Variants in CLSTN1 observed in about 807,000 individuals in gnomAD.
CLSTN1 encodes calsyntenin-1.
In CLSTN1, 28 loss-of-function variants were observed where a neutral mutation model predicts 108.3. The observed-to-expected ratio is 0.26, with a 90% CI of 0.19 to 0.35. CLSTN1 has a LOEUF of 0.35. Among genes scored for constraint, CLSTN1 ranks in the 10% least tolerant of loss-of-function variants. The probability of loss-of-function intolerance (pLI) is 1.00; values close to 1 mark genes in which losing one functional copy is unlikely to be tolerated. For missense variants in CLSTN1, 1,157 were observed against 1,302.6 expected, an observed-to-expected ratio of 0.89 and a Z score of 1.72; for synonymous variants, 524 against 534.9, an observed-to-expected ratio of 0.98 and a Z score of 0.28.
chr1:9,773,973 C>T (rs1442557983), intron 1 of CLSTN1, among the ~76,000 whole-genome samples: 1 of 151,902 alleles, frequency 6.6e-6, no homozygotes, highest in African/African-American at 2.4e-5. Context: ...AACCCCCGGG[C>T]TCAAGTGATC....
In CLSTN1 at chr1:9,735,084, A is replaced by T; in HGVS notation, c.1974T>A (p.Ser658Arg). Reference protein sequence around the residue: ...LQPEEPKISLSGVHHFARAAS... With the variant: ...LQPEEPKISLRGVHHFARAAS... ...CTGCTCGGGCAAAATGGTGGACGCCACTCAGGCTGATCTTGGGCTCCTCGG... is the reference window on the plus strand; with the variant it reads ...CTGCTCGGGCAAAATGGTGGACGCCTCTCAGGCTGATCTTGGGCTCCTCGG... The change falls in exon 14 of 19, where the codon AGT (serine) becomes AGA (arginine). Residue 658 changes from serine (S) to arginine (R), a missense_variant. By Grantham distance (110) the Ser-to-Arg change is moderately radical. Coordinates refer to ENST00000377298, the MANE Select transcript of CLSTN1 (RefSeq NM_001009566.3). 6.2e-7 allele frequency: 1 copy of T among 1,614,210 alleles called. No individual in the cohort carries two copies. The highest frequency in any genetic ancestry group is 8.5e-7 in the Non-Finnish European group (1 of 1,180,034).
At chr1:9,797,525 C>T (rs1360753388) in intron 1 of CLSTN1, among the ~76,000 whole-genome samples, 3 of 151,836 alleles carry the variant, frequency 2.0e-5, no homozygotes, top group Non-Finnish European at 4.4e-5. Context: ...TCTGTAGTCT[C>T]ATCTACTTGG....
intron 2 of CLSTN1, among the ~76,000 whole-genome samples, chr1:9,768,419 C>G (rs1030551971): frequency 3.0e-4 from 5 of 16,848 alleles, no homozygotes; most frequent in Admixed American, 9.5e-4. Flanking sequence ...CACCGGGGGG[C>G]GGGGTTCTGT....
At chr1:9,761,026 C>T (rs755152700) in intron 2 of CLSTN1, among the ~76,000 whole-genome samples, 11 of 151,914 alleles carry the variant, frequency 7.2e-5, no homozygotes, top group Non-Finnish European at 1.0e-4. Context: ...GGCTCTGTTA[C>T]GCAAATCTAC....
At chr1:9,793,574 C>T (rs1043746008) in intron 1 of CLSTN1, among the ~76,000 whole-genome samples, 1 of 151,514 alleles carries the variant, frequency 6.6e-6, no homozygotes, top group African/African-American at 2.4e-5. Context: ...TGAATGGAGG[C>T]CATTCGAAAG....
chr1:9,809,763 C>G (rs970587985), intron 1 of CLSTN1, among the ~76,000 whole-genome samples: 2 of 151,188 alleles, frequency 1.3e-5, no homozygotes, highest in African/African-American at 4.9e-5. Context: ...CAGCCGGGCG[C>G]GGTGGTGGGT....
At chr1:9,736,240 G>A (rs576039684) in intron 11 of CLSTN1, among the ~76,000 whole-genome samples, 198 bp from the exon 12 acceptor site, 25 of 152,330 alleles carry the variant, frequency 1.6e-4, no homozygotes, top group African/African-American at 5.8e-4. Context: ...CATGCACATG[G>A]CCTGGAGAAA....
intron 1 of CLSTN1, among the ~76,000 whole-genome samples, chr1:9,776,521 AT>A (rs1459721726): frequency 6.6e-6 from 1 of 151,676 alleles, no homozygotes; most frequent in Non-Finnish European, 1.5e-5. Context: ...TGTAGTTTAC[AT>A]TTAAAAAAAA....
chr1:9,731,408 G>C lies in CLSTN1; in HGVS notation c.2564-18C>G. The C allele has an allele frequency of 6.2e-7, 1 of 1,611,660 alleles. No homozygotes were observed. The highest frequency in any genetic ancestry group is 2.2e-5 in the East Asian group (1 of 44,812). On this transcript the variant is annotated intron_variant, in intron 17 of 18. Transcript: ENST00000377298. ...GGGGACGACTGTGGGAGAATGAGGG[G>C]GCGGGATGCGAGGTCACTCGGCCCA...
In CLSTN1 at chr1:9,749,617, C is replaced by T. The variant is rs372203726; in HGVS notation, c.829G>A (p.Gly277Ser). The T allele has an allele frequency of 6.2e-6, 10 of 1,614,018 alleles. No individual in the cohort carries two copies. Among genetic ancestry groups the T allele is most frequent in the Non-Finnish European group, 8.5e-6 (10 of 1,179,994 alleles). Residue 277 changes from glycine (G) to serine (S), a missense_variant, in exon 7 of 19, where the codon GGC becomes AGC. Transcript: ENST00000377298. ...GGAAAGACGGCCAACGCGCCGGTGC[C>T]CGGCTCATACTCAATCCTGTTGTTC... is the stretch of plus-strand genomic sequence containing the variant. ...GWNNRIEYEPGTGALAVFPNI... is the reference protein window; with the variant it reads ...GWNNRIEYEPSTGALAVFPNI...
chr1:9,732,194 T>C (rs1227585543), intron 16 of CLSTN1, among the ~76,000 whole-genome samples: 1 of 152,166 alleles, frequency 6.6e-6, no homozygotes, highest in Non-Finnish European at 1.5e-5. Flanking sequence ...TTTCTACTTA[T>C]TAGTATTTGT....
At chr1:9,751,820 T>C (rs1375241787) in intron 4 of CLSTN1, 139 bp from the exon 5 acceptor site, 2 of 683,326 alleles carry the variant, frequency 2.9e-6, no homozygotes, top group Non-Finnish European at 4.9e-6. Context: ...ATGAAATTCA[T>C]ATGATGAAGT....
At chr1:9,753,369 C>A (rs1031814445) in intron 4 of CLSTN1, among the ~76,000 whole-genome samples, 1 of 152,088 alleles carries the variant, frequency 6.6e-6, no homozygotes, top group African/African-American at 2.4e-5. Context: ...TATGGCGACC[C>A]CTGTTCTATG....
chr1:9,765,565 G>C (rs1652286666), intron 2 of CLSTN1, among the ~76,000 whole-genome samples: 1 of 150,322 alleles, frequency 6.7e-6, no homozygotes, highest in Non-Finnish European at 1.5e-5. Flanking sequence ...GGGAAACGGA[G>C]ACTCCATCTC....
intron 1 of CLSTN1, among the ~76,000 whole-genome samples, chr1:9,781,954 CATT>C (rs1445356795): frequency 6.6e-5 from 10 of 152,090 alleles, no homozygotes; most frequent in African/African-American, 2.4e-4. Context: ...ATTGTTTATG[CATT>C]ATAACTGTGG....
In CLSTN1 at chr1:9,748,788, CCT is replaced by C. The variant is rs567458685; in HGVS notation, c.985+671_985+672del. ...ATAGGCATGAGCCCCCATGCCCTGG[CCT>C]TTGTCTTCAATTCGTAAGTAAACAT... On this transcript the variant is annotated intron_variant, in intron 7 of 18. Coordinates refer to ENST00000377298, the MANE Select transcript of CLSTN1 (RefSeq NM_001009566.3). Among the ~76,000 whole-genome samples, 47 of 152,152 alleles carry C rather than the reference CCT, an allele frequency of 3.1e-4. 1 individual carries two copies. The highest frequency in any genetic ancestry group is 2.9e-3 in the Admixed American group (44 of 15,272).
At position 9,735,494 on chromosome 1, in the gene CLSTN1, C is replaced by T. The variant is rs913887224; in HGVS notation, c.1856G>A (p.Arg619His). The part of the protein sequence containing the change: ...NSRQFPTPGI[R>H]RLKITSTIKC... ...GATTGTGCTGGTGATTTTGAGTCTG[C>T]GAATTCCGGGCGTGGGGAACTGCCG... Residue 619 changes from arginine to histidine, a missense_variant, in exon 13 of 19, where the codon CGC (arginine) becomes CAC (histidine). By Grantham distance (29) the Arg-to-His change is conservative. Transcript: ENST00000377298. 6 of 1,614,002 alleles carry T rather than the reference C, an allele frequency of 3.7e-6. No homozygotes were observed. Among genetic ancestry groups the T allele is most frequent in the African/African-American group, 2.7e-5 (2 of 74,896 alleles).
intron 1 of CLSTN1, among the ~76,000 whole-genome samples, chr1:9,784,650 T>C (rs1653399658): frequency 6.6e-6 from 1 of 152,366 alleles, no homozygotes; most frequent in South Asian, 2.1e-4. Flanking sequence ...TCCTAGATGA[T>C]GTTACAGGTT....
At chr1:9,732,661 G>A (rs1295552677) in intron 16 of CLSTN1, among the ~76,000 whole-genome samples, 8 of 152,258 alleles carry the variant, frequency 5.3e-5, no homozygotes, top group East Asian at 3.8e-4. Context: ...GAGCCTGAGC[G>A]ATGAAGCAGC....
Sources: gnomAD v4.1 joint callset for allele counts (sites outside exome capture counted in the v4.1 genomes callset) on GRCh38, gnomAD v4.1.1 for gene constraint, MANE v1.5 for transcripts, NCBI Gene and HGNC (gene_info 2026-07-23, HGNC 2026-07-21) for gene names.